The following NHSL2 variants were observed in gnomAD, a reference collection of about 807,000 sequenced individuals.
NHSL2 encodes the protein NHS like 2.
A neutral mutation model predicts 53.4 loss-of-function variants in NHSL2; 27 were observed. That is an observed-to-expected ratio of 0.51 (90% confidence interval 0.37 to 0.70). The LOEUF is 0.70. NHSL2 is among the 30% of genes least tolerant of loss of function. NHSL2 has a pLI of 0.00. For missense variants in NHSL2, 892 were observed against 980.1 expected (o/e 0.91, Z 1.20); for synonymous variants, 408 against 404.1 (o/e 1.01, Z -0.12).
intron 1 of NHSL2, among the ~76,000 whole-genome samples, chrX:71,941,923 G>A (rs1457751066): frequency 1.8e-5 from 2 of 111,547 alleles, no homozygotes; most frequent in African/African-American, 3.3e-5. Context: ...GCTGGGGATC[G>A]AGCTGCTGGG....
chrX:72,126,817 C>CA (rs1287652224), intron 1 of NHSL2, among the ~76,000 whole-genome samples: 4 of 112,354 alleles, frequency 3.6e-5, no homozygotes, highest in Non-Finnish European at 7.5e-5. Flanking sequence ...TTCCTTCACT[C>CA]AAAGTCCCAT....
At chrX:72,001,769 C>T (rs969589727) in intron 1 of NHSL2, among the ~76,000 whole-genome samples, 1 of 112,309 alleles carries the variant, frequency 8.9e-6, no homozygotes, top group Non-Finnish European at 1.9e-5. Flanking sequence ...CAGACTTACA[C>T]CCATACTTTG....
chrX:72,052,927 C>T (rs995187024), intron 1 of NHSL2, among the ~76,000 whole-genome samples: 1 of 112,013 alleles, frequency 8.9e-6, no homozygotes, highest in Non-Finnish European at 1.9e-5. Flanking sequence ...AGCTGTGACT[C>T]AGCCCTCATG....
intron 1 of NHSL2, among the ~76,000 whole-genome samples, chrX:72,122,163 G>A (rs1406714385): frequency 9.0e-6 from 1 of 111,584 alleles, no homozygotes; most frequent in Non-Finnish European, 1.9e-5. Context: ...GGAATCCGGA[G>A]GTTTCACCAA....
rs1359722932 is a variant in NHSL2, at chrX:72,017,750, C to T, written c.280+106383C>T. Reference sequence around the variant, plus strand: ...CTATGGACCTAACTGTCTAACAAAGCTGGCAAAATATTACTCAGATAGAAG... The same window carrying T: ...CTATGGACCTAACTGTCTAACAAAGTTGGCAAAATATTACTCAGATAGAAG... On this transcript the variant is annotated intron_variant, in intron 1 of 7. Transcript: ENST00000633930. Among the ~76,000 whole-genome samples, 3 of 112,650 alleles carry T rather than the reference C, an allele frequency of 2.7e-5. No homozygotes were observed. In the Admixed American group the frequency reaches 2.8e-4, roughly 10 times the overall value.
intron 1 of NHSL2, among the ~76,000 whole-genome samples, chrX:72,077,738 G>C (rs1449796673): frequency 8.9e-6 from 1 of 112,634 alleles, no homozygotes; most frequent in Non-Finnish European, 1.9e-5. Context: ...AGGGATCCGG[G>C]GTGAGATGTG....
intron 1 of NHSL2, among the ~76,000 whole-genome samples, chrX:72,028,173 G>A (rs1188762837): frequency 2.7e-5 from 3 of 112,502 alleles, no homozygotes; most frequent in African/African-American, 6.5e-5. Context: ...ATGTGCAGTG[G>A]GCCAGGAGCC....
At chrX:72,059,725 A>G (rs1400020747) in intron 1 of NHSL2, among the ~76,000 whole-genome samples, 2 of 112,045 alleles carry the variant, frequency 1.8e-5, no homozygotes, top group African/African-American at 6.5e-5. Context: ...GGATTGCATC[A>G]AATGATGGCT....
At chrX:72,029,813 C>G (rs867007761) in intron 1 of NHSL2, among the ~76,000 whole-genome samples, 1 of 112,274 alleles carries the variant, frequency 8.9e-6, no homozygotes, top group Middle Eastern at 4.6e-3. Context: ...AGCAGCTGGG[C>G]CTTCCCATCT....
chrX:71,950,363 C>A (rs745553565), intron 1 of NHSL2, among the ~76,000 whole-genome samples: 1 of 112,749 alleles, frequency 8.9e-6, no homozygotes, highest in African/African-American at 3.2e-5. Context: ...CAACAATACT[C>A]GGCAGGCATC....
In NHSL2 at chrX:72,139,412, G is replaced by C. The variant is rs368693523; in HGVS notation, c.1864G>C (p.Ala622Pro). The change falls in exon 6 of 8, where the codon GCT (alanine) becomes CCT (proline). Residue 622 changes from alanine (A) to proline (P), a missense_variant. Transcript: ENST00000633930. ...SSHPDAQGHP[A>P]IPNHKDPEST... is the part of the protein sequence containing the mutation. Reference sequence around the variant, plus strand: ...CCACCCAGATGCTCAGGGTCACCCAGCTATTCCAAACCACAAAGATCCAGA... The same window carrying C: ...CCACCCAGATGCTCAGGGTCACCCACCTATTCCAAACCACAAAGATCCAGA... 115 of 1,209,058 alleles carry C rather than the reference G, an allele frequency of 9.5e-5. 1 individual carries two copies. Among genetic ancestry groups the C allele is most frequent in the Non-Finnish European group, 2.6e-5 (23 of 894,828 alleles).
chrX:72,052,241 TATC>T (rs1372065361), intron 1 of NHSL2, among the ~76,000 whole-genome samples: 1 of 112,000 alleles, frequency 8.9e-6, no homozygotes, highest in East Asian at 2.8e-4. Context: ...CATGCGTGGT[TATC>T]ATCCTCTGAG....
At chrX:72,040,158 C>G (rs1243545380) in intron 1 of NHSL2, among the ~76,000 whole-genome samples, 1 of 111,752 alleles carries the variant, frequency 8.9e-6, no homozygotes, top group Non-Finnish European at 1.9e-5. Context: ...TGTTGACCAT[C>G]CTGTAACAGG....
At chrX:72,063,352 C>A (rs907928317) in intron 1 of NHSL2, among the ~76,000 whole-genome samples, 1 of 112,165 alleles carries the variant, frequency 8.9e-6, no homozygotes, top group Admixed American at 9.4e-5. Context: ...TGAGTAGGGG[C>A]TACTATGTGT....
chrX:71,926,395 T>C (rs192165254), intron 1 of NHSL2, among the ~76,000 whole-genome samples: 28 of 112,291 alleles, frequency 2.5e-4, no homozygotes, highest in South Asian at 1.1e-3. Context: ...CTATGACTTA[T>C]TTCTTTTCAA....
chrX:72,070,451 A>G lies in NHSL2; in HGVS notation c.281-61628A>G, dbSNP rs944981156. ...GGGTGCTGGCATAGTTCTCCCCAAC[A>G]ACTCCTTCCTGGATGCTGACACTGT... On this transcript the variant is annotated intron_variant, in intron 1 of 7. Transcript: ENST00000633930. Among the ~76,000 whole-genome samples the G allele has an allele frequency of 2.7e-5, 3 of 110,840 alleles. No individual in the cohort carries two copies. The Admixed American group carries it at 2.9e-4, about 11-fold the overall frequency.
intron 1 of NHSL2, among the ~76,000 whole-genome samples, chrX:71,976,529 C>G (rs967836006): frequency 5.4e-5 from 6 of 111,948 alleles, no homozygotes; most frequent in African/African-American, 1.9e-4. Flanking sequence ...ATTCAAGACC[C>G]TCTTGATCTG....
intron 1 of NHSL2, among the ~76,000 whole-genome samples, chrX:72,096,924 T>A (rs2041948470): frequency 8.9e-6 from 1 of 112,056 alleles, no homozygotes; most frequent in African/African-American, 3.3e-5. Context: ...TGCCTAGAAA[T>A]GATACGTGAT....
At chrX:72,000,858 C>G (rs1227211423) in intron 1 of NHSL2, among the ~76,000 whole-genome samples, 8 of 112,533 alleles carry the variant, frequency 7.1e-5, no homozygotes, top group Admixed American at 3.7e-4. Context: ...ACTCCACCTG[C>G]AAACCTTAGT....
Sources: allele counts gnomAD v4.1 joint callset (sites outside exome capture counted in the v4.1 genomes callset), GRCh38; gene constraint gnomAD v4.1.1; transcripts MANE v1.5; gene names NCBI Gene and HGNC (gene_info 2026-07-23, HGNC 2026-07-21).